The following LRIG1 variants were observed in gnomAD, a reference collection of about 807,000 sequenced individuals.
The protein encoded by LRIG1 is leucine rich repeats and immunoglobulin like domains 1, also known as leucine-rich repeats and immunoglobulin-like domains protein 1.
A neutral mutation model predicts 99.2 loss-of-function variants in LRIG1; 48 were observed. The observed-to-expected ratio is 0.48, with a 90% CI of 0.38 to 0.62. The LOEUF is 0.62. Among genes scored for constraint, LRIG1 ranks in the 20% least tolerant of loss-of-function variants. The pLI is 0.00. For missense variants in LRIG1, 1,646 were observed against 1,434.4 expected (o/e 1.15, Z -2.38); for synonymous variants, 772 against 596.1 (o/e 1.29, Z -4.30).
chr3:66,405,620 CA>C, intron 8 of LRIG1: 2 of 739,610 alleles, frequency 2.7e-6, no homozygotes, highest in East Asian at 5.7e-5. Context: ...AGAATCAACC[CA>C]AAAGGTTCCT....
intron 3 of LRIG1, among the ~76,000 whole-genome samples, chr3:66,447,081 AT>A (rs978308739): frequency 6.6e-6 from 1 of 151,960 alleles, no homozygotes; most frequent in Non-Finnish European, 1.5e-5. Flanking sequence ...AAATTTTCTG[AT>A]TTTTTTGTGA....
intron 8 of LRIG1, chr3:66,405,927 T>C (rs921888281): frequency 8.3e-5 from 83 of 1,003,176 alleles, no homozygotes; most frequent in Middle Eastern, 2.8e-4. Context: ...CCATGGCCGA[T>C]GACTCAATGG....
At chr3:66,402,028 C>A (rs975536073) in intron 9 of LRIG1, among the ~76,000 whole-genome samples, 1 of 152,126 alleles carries the variant, frequency 6.6e-6, no homozygotes, top group Non-Finnish European at 1.5e-5. Context: ...GCCCGGCCCC[C>A]ACATAGGCAG....
At chr3:66,405,959 G>A in intron 8 of LRIG1, 3 of 996,852 alleles carry the variant, frequency 3.0e-6, no homozygotes, top group East Asian at 1.1e-4. Context: ...CCAGGAGCAG[G>A]TCACAGTGCC....
intron 5 of LRIG1, 67 bp downstream of exon 5, chr3:66,414,853 C>T (rs1702575334): frequency 1.4e-6 from 2 of 1,444,118 alleles, no homozygotes; most frequent in Non-Finnish European, 1.8e-6. Flanking sequence ...GGTACGAGGT[C>T]CTTGGGGAAA....
intron 12 of LRIG1, among the ~76,000 whole-genome samples, chr3:66,393,598 A>G (rs1331945528): frequency 1.3e-5 from 2 of 152,256 alleles, no homozygotes; most frequent in East Asian, 1.9e-4. Context: ...ACAAGTCAAC[A>G]TCAAGGAATT....
At chr3:66,461,536 G>C (rs762211721) in intron 2 of LRIG1, among the ~76,000 whole-genome samples, 1 of 152,146 alleles carries the variant, frequency 6.6e-6, no homozygotes, top group Non-Finnish European at 1.5e-5. Flanking sequence ...AAGTAGGAAA[G>C]ACTGATATAA....
At chr3:66,382,232 AG>A in intron 16 of LRIG1, 40 bp downstream of exon 16, 1 of 1,609,652 alleles carries the variant, frequency 6.2e-7, no homozygotes, top group Non-Finnish European at 8.5e-7. Context: ...CCAGAGACAC[AG>A]TCACAGCAGA....
At chr3:66,443,401 G>A (rs1238126332) in intron 3 of LRIG1, among the ~76,000 whole-genome samples, 1 of 151,762 alleles carries the variant, frequency 6.6e-6, no homozygotes, top group Non-Finnish European at 1.5e-5. Flanking sequence ...CCTAAAGATG[G>A]AATTAGCCAT....
intron 12 of LRIG1, among the ~76,000 whole-genome samples, chr3:66,392,947 C>A (rs1701683372): frequency 6.6e-6 from 1 of 152,164 alleles, no homozygotes; most frequent in South Asian, 2.1e-4. Context: ...TATGAAAAGT[C>A]AGTTTGGAGA....
chr3:66,491,067 T>A (rs1701090887), intron 1 of LRIG1, among the ~76,000 whole-genome samples: 1 of 152,244 alleles, frequency 6.6e-6, no homozygotes, highest in South Asian at 2.1e-4. Flanking sequence ...TGTGTGAAGT[T>A]TAAATCAAGC....
At chr3:66,483,144 C>G (rs6781851) in intron 1 of LRIG1, among the ~76,000 whole-genome samples, 8,183 of 152,154 alleles carry the variant, frequency 0.054, 744 homozygotes, top group African/African-American at 0.19. Context: ...TACAGCATCA[C>G]AGTCCAAGAT....
At chr3:66,470,385 A>G (rs557707053) in intron 1 of LRIG1, among the ~76,000 whole-genome samples, 3 of 152,342 alleles carry the variant, frequency 2.0e-5, no homozygotes, top group African/African-American at 7.2e-5. Flanking sequence ...GCCTAGAAGA[A>G]GAGCATGTTT....
chr3:66,495,434 C>G (rs1375961143), intron 1 of LRIG1, among the ~76,000 whole-genome samples: 1 of 152,158 alleles, frequency 6.6e-6, no homozygotes, highest in Non-Finnish European at 1.5e-5. Context: ...GGGGAACGTA[C>G]CCAGTGAGTA....
chr3:66,401,919 A>G (rs893870473), intron 9 of LRIG1, among the ~76,000 whole-genome samples: 6 of 152,140 alleles, frequency 3.9e-5, no homozygotes, highest in East Asian at 3.9e-4. Flanking sequence ...ACTGGGGGCA[A>G]TGCTCACATG....
chr3:66,500,564 A>G lies in LRIG1; in HGVS notation c.-157T>C. 3 of 396,840 alleles carry G rather than the reference A, an allele frequency of 7.6e-6. No individual in the cohort carries two copies. Among genetic ancestry groups the G allele is most frequent in the Non-Finnish European group, 1.3e-5 (3 of 232,426 alleles). 24.6% of individuals were successfully genotyped at this position (396,840 alleles called of 1,614,324 possible). A position where few individuals can be genotyped will look rare whatever the true frequency, so the allele number is the denominator to read the frequency against. The stretch of plus-strand genomic sequence containing the variant: ...TTCTCTCTGCGGCCGCGGCTCCGGC[A>G]CTCAGCGTGCCCCCGGTGCCCGGGC... On this transcript the variant is annotated 5_prime_UTR_variant, in exon 1 of 19. Coordinates refer to ENST00000273261, the MANE Select transcript of LRIG1 (RefSeq NM_015541.3).
chr3:66,431,242 G>A lies in LRIG1; in HGVS notation c.366-13976C>T, dbSNP rs554273868. 1.7e-4 allele frequency among the ~76,000 whole-genome samples: 26 copies of A among 152,340 alleles called. 1 individual carries two copies. In the South Asian group the frequency reaches 5.4e-3, roughly 32 times the overall value. ...GCCTGTTCAGCTCTGCCCCTTGAGG[G>A]AAGGAGGTAAGAAAACCAGGACACA... On this transcript the variant is annotated intron_variant, in intron 3 of 18. Coordinates refer to ENST00000273261, the MANE Select transcript of LRIG1 (RefSeq NM_015541.3).
intron 11 of LRIG1, among the ~76,000 whole-genome samples, chr3:66,396,922 TCTC>T (rs1211797199): frequency 3.9e-5 from 6 of 152,118 alleles, no homozygotes; most frequent in Non-Finnish European, 7.4e-5. Context: ...TCTGGAATCA[TCTC>T]CTCCCCTGCT....
intron 11 of LRIG1, among the ~76,000 whole-genome samples, chr3:66,395,188 T>A: frequency 6.6e-6 from 1 of 152,152 alleles, no homozygotes; most frequent in East Asian, 1.9e-4. Context: ...CAGGCTTCCC[T>A]GCAATACACT....
Sources: gnomAD v4.1 joint callset for allele counts (sites outside exome capture counted in the v4.1 genomes callset) on GRCh38, gnomAD v4.1.1 for gene constraint, MANE v1.5 for transcripts, NCBI Gene and HGNC (gene_info 2026-07-23, HGNC 2026-07-21) for gene names.